Variants in CCDC186 observed in about 807,000 individuals in gnomAD.
The protein encoded by CCDC186 is coiled-coil domain containing 186.
Under a neutral mutation model 113.7 loss-of-function variants are expected in CCDC186, and 49 were observed. That is an observed-to-expected ratio of 0.43 (90% confidence interval 0.34 to 0.55). The LOEUF is 0.55. CCDC186 is among the 20% of genes least tolerant of loss of function. The probability of loss-of-function intolerance (pLI) is 0.02; values close to 1 mark genes in which losing one functional copy is unlikely to be tolerated. For synonymous variants in CCDC186, 355 were observed against 345.8 expected (o/e 1.03, Z -0.30); for missense variants, 890 against 1,011.1 (o/e 0.88, Z 1.62).
intron 3 of CCDC186, among the ~76,000 whole-genome samples, chr10:114,153,823 A>C (rs138563913): frequency 1.5e-4 from 23 of 151,780 alleles, no homozygotes; most frequent in African/African-American, 4.8e-4. Flanking sequence ...GTATCAAATT[A>C]ATAACCTATA....
Position 114,157,457 on chromosome 10 carries a change from G to A in CCDC186, c.759+97C>T, listed in dbSNP as rs2032044286. On this transcript the variant is annotated intron_variant, in intron 3 of 15. Transcript: ENST00000369287. ...TCCGCCCACCTTGGCCTCCCAAAGT[G>A]CTACGATTACAGGCATGAGCTGCCA... is the stretch of plus-strand genomic sequence containing the variant. 6 of 1,198,334 alleles carry A rather than the reference G, an allele frequency of 5.0e-6. No individual in the cohort carries two copies. The East Asian group carries it at 1.7e-4, about 34-fold the overall frequency. The allele number at this position is 1,198,334 out of a possible 1,614,324, so 74.2% of individuals were successfully genotyped here.
intron 4 of CCDC186, among the ~76,000 whole-genome samples, chr10:114,146,940 A>G (rs567582701): frequency 6.6e-4 from 100 of 152,364 alleles, no homozygotes; most frequent in South Asian, 1.4e-3. Flanking sequence ...ACATACACAT[A>G]TAAGTAATTT....
Position 114,121,744 on chromosome 10 carries a change from A to G in CCDC186, c.*3399T>C, listed in dbSNP as rs1589603698. On this transcript the variant is annotated 3_prime_UTR_variant, in exon 16 of 16. Coordinates refer to ENST00000369287, the MANE Select transcript of CCDC186 (RefSeq NM_018017.4). ...GATAAACCCTCTTCTCAGGCCAGTT[A>G]TAAAGGGCTGAGATGAGCCACAGAA... is the stretch of plus-strand genomic sequence containing the variant. The G allele has an allele frequency of 6.6e-6, 1 of 152,090 alleles. No homozygotes were observed. Among genetic ancestry groups the G allele is most frequent in the Admixed American group, 6.6e-5 (1 of 15,262 alleles). The allele number at this position is 152,090 out of a possible 1,614,324, so 9.4% of individuals were successfully genotyped here. A position where few individuals can be genotyped will look rare whatever the true frequency, so the allele number is the denominator to read the frequency against.
chr10:114,138,569 C>T (rs1481401122), intron 6 of CCDC186, among the ~76,000 whole-genome samples: 1 of 152,030 alleles, frequency 6.6e-6, no homozygotes, highest in Non-Finnish European at 1.5e-5. Context: ...TAGACTGATG[C>T]TGCAATTTGG....
In CCDC186 at chr10:114,163,121, C is replaced by T; in HGVS notation, c.148G>A (p.Asp50Asn). 6.2e-7 allele frequency: 1 copy of T among 1,613,844 alleles called. No individual in the cohort carries two copies. The highest frequency in any genetic ancestry group is 2.2e-5 in the East Asian group (1 of 44,866). ...TCATTAGGTTGACATAAAGTTTTAT[C>T]AGTGTTTAATGACAATAGTTTGGAC... ...NESKLLSLNTDKTLCQPNEHN... is the reference protein window; with the variant it reads ...NESKLLSLNTNKTLCQPNEHN... The change falls in exon 2 of 16, where the codon GAT (aspartate) becomes AAT (asparagine). Residue 50 changes from aspartate to asparagine, a missense_variant. Coordinates refer to ENST00000369287, the MANE Select transcript of CCDC186 (RefSeq NM_018017.4).
intron 4 of CCDC186, among the ~76,000 whole-genome samples, chr10:114,147,313 T>C (rs918050062): frequency 2.6e-5 from 4 of 152,184 alleles, no homozygotes; most frequent in Non-Finnish European, 4.4e-5. Context: ...AAAATTATAG[T>C]AAATGAATGT....
chr10:114,161,837 T>G (rs2119818258), intron 2 of CCDC186: 1 of 152,284 alleles, frequency 6.6e-6, no homozygotes, highest in East Asian at 1.9e-4. Flanking sequence ...ATACATACAA[T>G]GCAATATTAT....
intron 4 of CCDC186, among the ~76,000 whole-genome samples, chr10:114,147,953 A>G (rs779176960): frequency 2.6e-5 from 4 of 151,952 alleles, no homozygotes; most frequent in Admixed American, 6.6e-5. Context: ...ACATGGCAAA[A>G]TCCCCTATCT....
intron 6 of CCDC186, among the ~76,000 whole-genome samples, chr10:114,139,561 T>C (rs1012640542): frequency 3.8e-4 from 49 of 130,000 alleles, no homozygotes; most frequent in African/African-American, 1.4e-3. Context: ...AGACTCCATC[T>C]CAAAAAAAAA....
At chr10:114,157,063 A>G (rs895344372) in intron 3 of CCDC186, among the ~76,000 whole-genome samples, 8 of 152,204 alleles carry the variant, frequency 5.3e-5, no homozygotes, top group Admixed American at 5.2e-4. Context: ...AAAAGGAAAT[A>G]CATCAGGCTA....
rs1413768840 is a variant in CCDC186, at chr10:114,122,825, A to T, written c.*2318T>A. On this transcript the variant is annotated 3_prime_UTR_variant, in exon 16 of 16. Coordinates refer to ENST00000369287, the MANE Select transcript of CCDC186 (RefSeq NM_018017.4). ...AGAAAACTAAAGCATTTTCTTTAAA[A>T]AATTTCCAGTTTCTAAAATGTATAA... 1.3e-5 allele frequency: 2 copies of T among 152,208 alleles called. No individual in the cohort carries two copies. The highest frequency in any genetic ancestry group is 2.9e-5 in the Non-Finnish European group (2 of 68,036). 9.4% of individuals were successfully genotyped at this position (152,208 alleles called of 1,614,324 possible). A position where few individuals can be genotyped will look rare whatever the true frequency, so the allele number is the denominator to read the frequency against.
chr10:114,155,759 C>T (rs1159255154), intron 3 of CCDC186, among the ~76,000 whole-genome samples: 1 of 152,106 alleles, frequency 6.6e-6, no homozygotes, highest in East Asian at 1.9e-4. Flanking sequence ...CAAATATTAT[C>T]ATTCCAATAT....
At chr10:114,173,912 CG>C (rs552635732) in intron 1 of CCDC186, 102 bp downstream of exon 1, 2 of 413,162 alleles carry the variant, frequency 4.8e-6, no homozygotes, top group East Asian at 1.7e-4. Context: ...CACTCGCCCT[CG>C]CCCCCGCCAC....
At chr10:114,149,758 A>AAGGC (rs1564912895) in intron 4 of CCDC186, among the ~76,000 whole-genome samples, 2 of 28,096 alleles carry the variant, frequency 7.1e-5, no homozygotes, top group Non-Finnish European at 1.4e-4. Context: ...GGAAGGCAGG[A>AAGGC]AGGAAGGAAG....
rs536274399 is a variant in CCDC186, at chr10:114,120,865, G to A, written c.*4278C>T. 2.0e-5 allele frequency: 3 copies of A among 152,274 alleles called. No individual in the cohort carries two copies. The East Asian group carries it at 5.8e-4, about 29-fold the overall frequency. 9.4% of individuals were successfully genotyped at this position (152,274 alleles called of 1,614,324 possible). On this transcript the variant is annotated 3_prime_UTR_variant, in exon 16 of 16. Transcript: ENST00000369287. ...AAAGATGCCATCAAACTACAAGTTG[G>A]TAAATAGGCATTACCTATTTAATAA...
At chr10:114,132,827 G>T (rs150043007) in intron 10 of CCDC186, among the ~76,000 whole-genome samples, 7 of 152,318 alleles carry the variant, frequency 4.6e-5, no homozygotes, top group African/African-American at 1.7e-4. Context: ...GGTCCTAACA[G>T]ATGTTCAATA....
intron 1 of CCDC186, among the ~76,000 whole-genome samples, chr10:114,169,924 G>T (rs968420692): frequency 6.6e-6 from 1 of 152,018 alleles, no homozygotes; most frequent in Non-Finnish European, 1.5e-5. Flanking sequence ...TAGAAACAGG[G>T]TCTCATTCTG....
At position 114,125,897 on chromosome 10, in the gene CCDC186, T is replaced by C; in HGVS notation, c.2602A>G (p.Ile868Val). ...AGAAACACAAATACCTTCAAAGTAA[T>C]ATTTTTTAGTAACGTATCCTCCAAA... ...AVLEDTLLKNITLKENLQTLG... is the reference protein window; with the variant it reads ...AVLEDTLLKNVTLKENLQTLG... Residue 868 changes from isoleucine (I) to valine (V), a missense_variant, in exon 15 of 16, where the codon ATT becomes GTT. Ile to Val is a conservative substitution (Grantham distance 29). Coordinates refer to ENST00000369287, the MANE Select transcript of CCDC186 (RefSeq NM_018017.4). 1 of 1,613,590 alleles carries C rather than the reference T, an allele frequency of 6.2e-7. No homozygotes were observed. The highest frequency in any genetic ancestry group is 8.5e-7 in the Non-Finnish European group (1 of 1,179,616).
intron 4 of CCDC186, among the ~76,000 whole-genome samples, chr10:114,147,020 T>C (rs566510265): frequency 3.3e-5 from 5 of 152,328 alleles, no homozygotes; most frequent in Admixed American, 2.0e-4. Flanking sequence ...AGAAAGACAT[T>C]GCATTAGGGA....
Sources: gnomAD v4.1 joint callset for allele counts (sites outside exome capture counted in the v4.1 genomes callset) on GRCh38, gnomAD v4.1.1 for gene constraint, MANE v1.5 for transcripts, NCBI Gene and HGNC (gene_info 2026-07-23, HGNC 2026-07-21) for gene names.